TNNI3K: variants seen among roughly 807,000 people sequenced by gnomAD.
TNNI3K encodes the protein TNNI3 interacting kinase.
A neutral mutation model predicts 114.5 loss-of-function variants in TNNI3K; 140 were observed. That is an observed-to-expected ratio of 1.22 (90% CI 1.07 to 1.41). The LOEUF (loss-of-function observed/expected upper bound fraction) is 1.41, where lower values mean the gene tolerates loss of function less well. Ranked by LOEUF, TNNI3K falls within the 40% of genes most tolerant of loss-of-function variation. The pLI is 0.00. For missense variants in TNNI3K, 1,125 were observed against 1,007.6 expected, an observed-to-expected ratio of 1.12 and a Z score of -1.58; for synonymous variants, 347 against 347.5, an observed-to-expected ratio of 1.00 and a Z score of 0.02.
chr1:74,472,248 T>G, intron 21 of TNNI3K: 1 of 711,184 alleles, frequency 1.4e-6, no homozygotes, highest in East Asian at 2.7e-5. Context: ...AGAGTTTTAT[T>G]ACCCCAACCA....
At chr1:74,335,894 T>G (rs1660437439) in intron 6 of TNNI3K, 117 bp from the exon 7 acceptor site, 13 of 1,118,038 alleles carry the variant, frequency 1.2e-5, no homozygotes, top group African/African-American at 1.6e-5. Context: ...GACTTCTTGC[T>G]AGGTGATATA....
rs45516294 is a variant in TNNI3K, at chr1:74,313,196, A to T, written c.445-18254A>T. Among the ~76,000 whole-genome samples the T allele has an allele frequency of 2.0e-3, 308 of 151,764 alleles. 1 individual carries two copies. The highest frequency in any genetic ancestry group is 0.01 in the Middle Eastern group (3 of 294). On this transcript the variant is annotated intron_variant, in intron 5 of 24. Coordinates refer to ENST00000326637, the MANE Select transcript of TNNI3K (RefSeq NM_015978.3). ...AATACAGGCATTATCTCTTTGGGGG[A>T]CTCACTTCCCATCCCCTCATCCAGT...
At position 74,492,264 on chromosome 1, in the gene TNNI3K, A is replaced by G; in HGVS notation, c.2349A>G (p.Gln783=). 6.5e-7 allele frequency: 1 copy of G among 1,544,226 alleles called. No individual in the cohort carries two copies. Among genetic ancestry groups the G allele is most frequent in the Non-Finnish European group, 8.8e-7 (1 of 1,134,954 alleles). The change falls in exon 23 of 25, where the codon CAA becomes CAG. Residue 783 remains glutamine (Q), a splice_region_variant and synonymous_variant. Transcript: ENST00000326637. ...CAAGGTCCTATGCTGCTTTGTCCCA[A>G]AGGTGAGTGGTAATATAAGCAAATC... is the stretch of plus-strand genomic sequence containing the variant. ...LNARSYAALS[Q]SAGQYSSQGL...
chr1:74,391,971 T>A (rs867083914), intron 17 of TNNI3K, among the ~76,000 whole-genome samples: 30 of 142,206 alleles, frequency 2.1e-4, no homozygotes, highest in South Asian at 1.2e-3. Flanking sequence ...TTTTTTTTTT[T>A]TTTTTTTTTT....
chr1:74,290,531 C>T (rs1008368478), intron 5 of TNNI3K, among the ~76,000 whole-genome samples: 3 of 151,512 alleles, frequency 2.0e-5, no homozygotes, highest in African/African-American at 7.3e-5. Flanking sequence ...GCTCTAAATG[C>T]CCAGCATTAA....
chr1:74,414,013 C>T (rs1448484863), intron 17 of TNNI3K, among the ~76,000 whole-genome samples: 4 of 152,100 alleles, frequency 2.6e-5, no homozygotes, highest in African/African-American at 9.7e-5. Flanking sequence ...TAGGAGCACT[C>T]TACAAGTTTT....
At chr1:74,481,146 T>C (rs533647785) in intron 21 of TNNI3K, among the ~76,000 whole-genome samples, 39 of 152,340 alleles carry the variant, frequency 2.6e-4, no homozygotes, top group South Asian at 2.5e-3. Flanking sequence ...AAGCTGGCTA[T>C]ATATCAAAAT....
chr1:74,463,575 G>GA, intron 21 of TNNI3K, 25 bp downstream of exon 21: 1 of 1,611,922 alleles, frequency 6.2e-7, no homozygotes, highest in Non-Finnish European at 8.5e-7. Flanking sequence ...TTTCCTCTTA[G>GA]AAAATGTGTT....
At chr1:74,365,870 G>A (rs1662243523) in intron 11 of TNNI3K, among the ~76,000 whole-genome samples, 1 of 151,134 alleles carries the variant, frequency 6.6e-6, no homozygotes, top group African/African-American at 2.4e-5. Flanking sequence ...GAAAGCTGGA[G>A]ATGATAAGAA....
intron 23 of TNNI3K, among the ~76,000 whole-genome samples, chr1:74,518,338 G>C (rs1035826054): frequency 6.6e-6 from 1 of 152,042 alleles, no homozygotes; most frequent in Admixed American, 6.6e-5. Context: ...TTTCCACATA[G>C]CCTCTTACTG....
At chr1:74,474,697 G>A (rs941224174) in intron 21 of TNNI3K, among the ~76,000 whole-genome samples, 10 of 152,100 alleles carry the variant, frequency 6.6e-5, no homozygotes, top group Admixed American at 3.3e-4. Context: ...TATTGACATC[G>A]CCCATGTACA....
intron 23 of TNNI3K, among the ~76,000 whole-genome samples, chr1:74,524,756 TA>T (rs1005185352): frequency 1.0e-4 from 14 of 137,380 alleles, no homozygotes; most frequent in South Asian, 4.6e-4. Flanking sequence ...TTTAAAAAAG[TA>T]AAAAAAAAAA....
chr1:74,415,708 A>G (rs927060234), intron 17 of TNNI3K, among the ~76,000 whole-genome samples: 4 of 149,712 alleles, frequency 2.7e-5, no homozygotes, highest in African/African-American at 7.4e-5. Context: ...TCTTTTTTAT[A>G]TCTTTCCTAT....
Position 74,440,060 on chromosome 1 carries a change from A to G in TNNI3K, c.2011+438A>G, listed in dbSNP as rs551969062. 1.0e-3 allele frequency among the ~76,000 whole-genome samples: 150 copies of G among 143,218 alleles called. 1 individual carries two copies. Among genetic ancestry groups the G allele is most frequent in the Non-Finnish European group, 1.7e-3 (106 of 61,696 alleles). 94.0% of individuals were successfully genotyped at this position (143,218 alleles called of 152,430 possible). ...CTCTGCTTATCTCACATCATAAAAA[A>G]GAAGATGGGTTTTCCTAACGTTTTT... On this transcript the variant is annotated intron_variant, in intron 20 of 24. Coordinates refer to ENST00000326637, the MANE Select transcript of TNNI3K (RefSeq NM_015978.3).
At chr1:74,443,965 C>T (rs190694726) in intron 20 of TNNI3K, among the ~76,000 whole-genome samples, 1 of 152,308 alleles carries the variant, frequency 6.6e-6, no homozygotes, top group Admixed American at 6.5e-5. Context: ...AACATCCCTT[C>T]ATGTTAAAAA....
intron 5 of TNNI3K, among the ~76,000 whole-genome samples, chr1:74,286,841 A>G (rs1250718519): frequency 1.3e-5 from 2 of 152,130 alleles, no homozygotes; most frequent in Non-Finnish European, 2.9e-5. Context: ...ACAAATAATT[A>G]GGGAAACATG....
At chr1:74,393,347 C>T (rs1663895140) in intron 17 of TNNI3K, among the ~76,000 whole-genome samples, 1 of 151,836 alleles carries the variant, frequency 6.6e-6, no homozygotes, top group Non-Finnish European at 1.5e-5. Context: ...TTCTTTGTAT[C>T]AGCATACCAT....
At chr1:74,535,268 G>A (rs997300719) in intron 23 of TNNI3K, among the ~76,000 whole-genome samples, 2 of 151,992 alleles carry the variant, frequency 1.3e-5, no homozygotes, top group Admixed American at 6.6e-5. Flanking sequence ...ACAGGAGTTC[G>A]ACACCAGCCT....
intron 4 of TNNI3K, among the ~76,000 whole-genome samples, chr1:74,271,078 G>C (rs1656314619): frequency 2.6e-5 from 1 of 38,316 alleles, no homozygotes; most frequent in African/African-American, 1.0e-4. Context: ...TAGATTTAAT[G>C]ATATTATTTA....
Sources: allele counts gnomAD v4.1 joint callset (sites outside exome capture counted in the v4.1 genomes callset), GRCh38; gene constraint gnomAD v4.1.1; transcripts MANE v1.5; gene names NCBI Gene and HGNC (gene_info 2026-07-23, HGNC 2026-07-21).